Variants in PCDHGA11 observed in about 807,000 individuals in gnomAD.
The protein encoded by PCDHGA11 is protocadherin gamma subfamily A, 11, also known as protocadherin gamma-A11.
Under a neutral mutation model 60.4 loss-of-function variants are expected in PCDHGA11, and 39 were observed. The observed-to-expected ratio is 0.65, with a 90% CI of 0.50 to 0.84. The LOEUF is 0.84. PCDHGA11 is among the 40% of genes least tolerant of loss of function. PCDHGA11 has a pLI of 0.00. For synonymous variants in PCDHGA11, 533 were observed against 510.3 expected (o/e 1.04, Z -0.60); for missense variants, 1,165 against 1,197.7 (o/e 0.97, Z 0.40).
chr5:141,421,741 C>A lies in PCDHGA11; in HGVS notation c.514C>A (p.Gln172Lys). 3 of 1,613,902 alleles carry A rather than the reference C, an allele frequency of 1.9e-6. No individual in the cohort carries two copies. The South Asian group carries it at 3.3e-5, about 18-fold the overall frequency. ...GGGCGTGAACTCCCTCCAGAGCTAC[C>A]AGCTCAGCCCTAATAATTACTTTTC... The part of the protein sequence containing the change: ...DVGVNSLQSY[Q>K]LSPNNYFSLQ... The change falls in exon 1 of 4, where the codon CAG becomes AAG. Residue 172 changes from glutamine (Q) to lysine (K), a missense_variant. Transcript: ENST00000398587.
intron 1 of PCDHGA11, among the ~76,000 whole-genome samples, chr5:141,481,869 G>A (rs909237712): frequency 4.1e-5 from 6 of 146,780 alleles, no homozygotes; most frequent in East Asian, 2.0e-4. Flanking sequence ...AGCCGAGATC[G>A]CGCCACTGCA....
At position 141,505,406 on chromosome 5, in the gene PCDHGA11, G is replaced by A. The variant is rs546453598; in HGVS notation, c.2506G>A (p.Asp836Asn). 61 of 1,614,174 alleles carry A rather than the reference G, an allele frequency of 3.8e-5. No individual in the cohort carries two copies. The highest frequency in any genetic ancestry group is 1.1e-4 in the East Asian group (5 of 44,866). ...RPGTSGSQNG[D>N]DTGTWPNNQF... Reference sequence around the variant, plus strand: ...CTCTCTCCCCAGCTCCCAAAATGGCGATGACACCGGCACCTGGCCCAACAA... The same window carrying A: ...CTCTCTCCCCAGCTCCCAAAATGGCAATGACACCGGCACCTGGCCCAACAA... Residue 836 changes from aspartate to asparagine, a missense_variant, in exon 3 of 4, where the codon GAT (aspartate) becomes AAT (asparagine). Transcript: ENST00000398587.
chr5:141,494,785 T>G, intron 1 of PCDHGA11, 22 bp from the exon 2 acceptor site: 1 of 1,614,016 alleles, frequency 6.2e-7, no homozygotes, highest in Non-Finnish European at 8.5e-7. Flanking sequence ...ACTCAGCCCC[T>G]TTCCCTCTGT....
Position 141,423,640 on chromosome 5 carries a change from T to C in PCDHGA11, c.2413T>C (p.Cys805Arg). The change falls in exon 1 of 4, where the codon TGT becomes CGT. Residue 805 changes from cysteine (C) to arginine (R), a missense_variant. Physicochemically the swap from Cys to Arg is radical, Grantham distance 180. Transcript: ENST00000398587. The stretch of plus-strand genomic sequence containing the variant: ...AGACTCAGCTATCATTTTAGGCAAA[T>C]GTGACCCGACAAGTAATCAGGTGAG... ...AEDSAIILGK[C>R]DPTSNQQAPP... 1 of 1,597,848 alleles carries C rather than the reference T, an allele frequency of 6.3e-7. No homozygotes were observed. The highest frequency in any genetic ancestry group is 8.5e-7 in the Non-Finnish European group (1 of 1,172,650).
At chr5:141,453,201 C>A (rs115660512) in intron 1 of PCDHGA11, among the ~76,000 whole-genome samples, 1 of 152,206 alleles carries the variant, frequency 6.6e-6, no homozygotes, top group South Asian at 2.1e-4. Flanking sequence ...GCAGCCTCAA[C>A]CTCGTGCACT....
At chr5:141,510,155 C>G (rs1044168112) in intron 3 of PCDHGA11, among the ~76,000 whole-genome samples, 2 of 151,942 alleles carry the variant, frequency 1.3e-5, no homozygotes, top group African/African-American at 4.8e-5. Context: ...CACCTGTAAT[C>G]TCAGCTACTC....
rs1487863444 is a variant in PCDHGA11 at position 141,491,016 on chromosome 5, G to A, written c.2434-3791G>A. On this transcript the variant is annotated intron_variant, in intron 1 of 3. Transcript: ENST00000398587. This position sits in a 1 kb window ranked among gnomAD's most constrained non-coding sequence, Gnocchi z 6.9. ...CTCCTGGCTCCTTGGTCACCAAGGTGACAGCCGTGGATGCTGATGCAGGCC... is the reference window on the plus strand; with the variant it reads ...CTCCTGGCTCCTTGGTCACCAAGGTAACAGCCGTGGATGCTGATGCAGGCC... 2.5e-6 allele frequency: 4 copies of A among 1,614,136 alleles called. No individual in the cohort carries two copies. The African/African-American group carries it at 5.3e-5, about 22-fold the overall frequency.
At chr5:141,434,497 G>A (rs986672351) in intron 1 of PCDHGA11, among the ~76,000 whole-genome samples, 2 of 152,214 alleles carry the variant, frequency 1.3e-5, no homozygotes, top group African/African-American at 4.8e-5. Context: ...CCCGCCCAGG[G>A]CAGAAAACTG....
At chr5:141,455,503 T>C (rs1005615473) in intron 1 of PCDHGA11, among the ~76,000 whole-genome samples, 3 of 152,302 alleles carry the variant, frequency 2.0e-5, no homozygotes, top group Middle Eastern at 3.4e-3. Context: ...CTGATTTGCA[T>C]AGGGCTCAGG....
At chr5:141,455,289 A>G (rs1592356100) in intron 1 of PCDHGA11, among the ~76,000 whole-genome samples, 2 of 152,192 alleles carry the variant, frequency 1.3e-5, no homozygotes, top group East Asian at 3.9e-4. Context: ...ATCACTTTAC[A>G]TAGTTTCATC....
chr5:141,480,112 C>T (rs531082602), intron 1 of PCDHGA11, among the ~76,000 whole-genome samples: 2 of 152,190 alleles, frequency 1.3e-5, no homozygotes, highest in Admixed American at 1.3e-4. Flanking sequence ...TAGCATGGTG[C>T]CTGGCATATC....
At chr5:141,494,099 C>T (rs976610819) in intron 1 of PCDHGA11, among the ~76,000 whole-genome samples, 3 of 152,172 alleles carry the variant, frequency 2.0e-5, no homozygotes, top group South Asian at 2.1e-4. Context: ...CATTTTTCTC[C>T]GTCTCAGACA....
chr5:141,452,678 C>T (rs1311364057), intron 1 of PCDHGA11, among the ~76,000 whole-genome samples: 1 of 150,100 alleles, frequency 6.7e-6, no homozygotes, highest in African/African-American at 2.5e-5. Flanking sequence ...GCCTAGGCCA[C>T]AGAATGAAAC....
In PCDHGA11 at chr5:141,476,585, G is replaced by C; in HGVS notation, c.2434-18222G>C. 6.2e-7 allele frequency: 1 copy of C among 1,614,214 alleles called. No homozygotes were observed. The highest frequency in any genetic ancestry group is 8.5e-7 in the Non-Finnish European group (1 of 1,180,040). On this transcript the variant is annotated intron_variant, in intron 1 of 3. Coordinates refer to ENST00000398587, the MANE Select transcript of PCDHGA11 (RefSeq NM_018914.3). The surrounding 1 kb of genome is among the most constrained non-coding windows in gnomAD (Gnocchi z 7.6). ...GGCTCCGGGGACGCGCTTTCCGCTC[G>C]AGAGCGCGCACGATCCCGATGTGGG...
At chr5:141,451,198 C>T (rs1415589731) in intron 1 of PCDHGA11, among the ~76,000 whole-genome samples, 1 of 152,114 alleles carries the variant, frequency 6.6e-6, no homozygotes, top group Non-Finnish European at 1.5e-5. Context: ...AACAAATTAT[C>T]CCAAAACTTA....
At chr5:141,426,986 C>A (rs764345099) in intron 1 of PCDHGA11, 6 of 456,618 alleles carry the variant, frequency 1.3e-5, no homozygotes, top group Non-Finnish European at 2.2e-5. Flanking sequence ...CTGATGCCAA[C>A]GATAATGCCC....
chr5:141,457,045 C>T (rs1489830197), intron 1 of PCDHGA11, among the ~76,000 whole-genome samples: 1 of 152,198 alleles, frequency 6.6e-6, no homozygotes, highest in African/African-American at 2.4e-5. Context: ...GATAGTAAAA[C>T]TTTCATGCTT....
intron 2 of PCDHGA11, among the ~76,000 whole-genome samples, chr5:141,495,601 G>C (rs1315613802): frequency 6.6e-6 from 1 of 152,004 alleles, no homozygotes; most frequent in Non-Finnish European, 1.5e-5. Context: ...CTTAGCTTCC[G>C]TCTTGATTGC....
In PCDHGA11 at chr5:141,476,506, C is replaced by T; in HGVS notation, c.2434-18301C>T. 1 of 1,614,068 alleles carries T rather than the reference C, an allele frequency of 6.2e-7. No homozygotes were observed. ...AAGTGGTGATCCAGGACATCAACGA[C>T]AACAATCCTGCTTTCCCTACCCAGG... On this transcript the variant is annotated intron_variant, in intron 1 of 3. Transcript: ENST00000398587. This position sits in a 1 kb window ranked among gnomAD's most constrained non-coding sequence, Gnocchi z 7.6.
Sources: gnomAD v4.1 joint callset for allele counts (sites outside exome capture counted in the v4.1 genomes callset) on GRCh38, gnomAD v4.1.1 for gene constraint, Gnocchi (gnomAD v3.1) non-coding constraint, MANE v1.5 for transcripts, NCBI Gene and HGNC (gene_info 2026-07-23, HGNC 2026-07-21) for gene names.